Variants in LGALS4 observed in about 807,000 individuals in gnomAD.
LGALS4 encodes the protein galectin-4.
In LGALS4, 37 loss-of-function variants were observed where a neutral mutation model predicts 39.6. The ratio of observed to expected loss-of-function variants is 0.93; its 90% confidence interval spans 0.72 to 1.23. LGALS4 has a LOEUF of 1.23. Among genes scored for constraint, LGALS4 ranks in the 50% most tolerant of loss-of-function variants. LGALS4 has a pLI of 0.00. For missense variants in LGALS4, 397 were observed against 433.2 expected (o/e 0.92, Z 0.74); for synonymous variants, 160 against 165.5 (o/e 0.97, Z 0.25).
intron 7 of LGALS4, 72 bp from the exon 8 acceptor site, chr19:38,802,476 TTTC>T: frequency 1.8e-6 from 2 of 1,097,774 alleles, no homozygotes; most frequent in Non-Finnish European, 2.8e-6. Context: ...AAATTTTCTT[TTTC>T]TTTTCTTTTC....
At chr19:38,806,874 G>A (rs928605975) in intron 3 of LGALS4, among the ~76,000 whole-genome samples, 7 of 152,090 alleles carry the variant, frequency 4.6e-5, no homozygotes, top group Admixed American at 4.6e-4. Context: ...CTGAACCCGG[G>A]AGGTGGAGGT....
At chr19:38,812,396 C>T (rs765086925) in intron 2 of LGALS4, 35 bp downstream of exon 2, 4 of 1,596,720 alleles carry the variant, frequency 2.5e-6, no homozygotes, top group Non-Finnish European at 2.6e-6. Flanking sequence ...TTGGAAGTCC[C>T]CTGCCAGCCC....
At chr19:38,806,713 G>C (rs1346292857) in intron 3 of LGALS4, 118 bp from the exon 4 acceptor site, 2 of 985,004 alleles carry the variant, frequency 2.0e-6, no homozygotes, top group Middle Eastern at 6.5e-4. Flanking sequence ...TTGGGAGGCT[G>C]AGGGGGGTGG....
rs34677297 is a variant in LGALS4 at position 38,809,173 on chromosome 19, C to CT, written c.135-226dup. On this transcript the variant is annotated intron_variant, in intron 2 of 9. Coordinates refer to ENST00000307751, the MANE Select transcript of LGALS4 (RefSeq NM_006149.4). ...ACACCTTCGCTCACAGCCTTTCCTT[C>CT]TTTTTTTTTTTTTTTTTTTTTTTGA... is the stretch of plus-strand genomic sequence containing the variant. Among the ~76,000 whole-genome samples the CT allele has an allele frequency of 0.027, 2,778 of 104,820 alleles. 174 individuals carry two copies. The East Asian group carries it at 0.28, about 11-fold the overall frequency. 68.8% of individuals were successfully genotyped at this position (104,820 alleles called of 152,430 possible). A position where few individuals can be genotyped will look rare whatever the true frequency, so the allele number is the denominator to read the frequency against.
chr19:38,811,285 G>A (rs1971490732), intron 2 of LGALS4, among the ~76,000 whole-genome samples: 1 of 151,954 alleles, frequency 6.6e-6, no homozygotes, highest in South Asian at 2.1e-4. Context: ...TCCATCCCTA[G>A]TGCCAGGACA....
Position 38,802,315 on chromosome 19 carries a change from C to A in LGALS4, c.659+1G>T. On this transcript the variant is annotated splice_donor_variant, in intron 8 of 9. Transcript: ENST00000307751. LOFTEE classifies it high-confidence loss of function. ...GGGTTCCCACCTAGTTTACGTTATA[C>A]CTCTTGCCTGTGGGAGGCACATAGC... is the stretch of plus-strand genomic sequence containing the variant. 4 of 1,613,908 alleles carry A rather than the reference C, an allele frequency of 2.5e-6. No individual in the cohort carries two copies. Among genetic ancestry groups the A allele is most frequent in the East Asian group, 2.2e-5 (1 of 44,878 alleles).
At chr19:38,809,097 G>A (rs982765423) in intron 2 of LGALS4, 149 bp from the exon 3 acceptor site, 7 of 640,064 alleles carry the variant, frequency 1.1e-5, no homozygotes, top group Middle Eastern at 4.3e-4. Context: ...GGCACTGTGG[G>A]CCACAGCGTG....
At chr19:38,810,458 T>G (rs951737570) in intron 2 of LGALS4, among the ~76,000 whole-genome samples, 2 of 148,546 alleles carry the variant, frequency 1.3e-5, no homozygotes, top group African/African-American at 2.5e-5. Flanking sequence ...CGCCTCCTGG[T>G]TTCACGCCAT....
rs759787880 is a variant in LGALS4 at position 38,808,789 on chromosome 19, A to G, written c.294T>C (p.Gly98=). The G allele has an allele frequency of 1.2e-6, 2 of 1,614,120 alleles. No homozygotes were observed. Among genetic ancestry groups the G allele is most frequent in the Middle Eastern group, 1.6e-4 (1 of 6,062 alleles). The change falls in exon 3 of 10, where the codon GGT becomes GGC. Residue 98 remains glycine (G), a synonymous_variant. Coordinates refer to ENST00000307751, the MANE Select transcript of LGALS4 (RefSeq NM_006149.4). ...ERKRSMPFKK[G]AAFELVFIVL... is the part of the protein sequence containing the mutation. Reference sequence around the variant, plus strand: ...CTATGAAGACCAGCTCAAAGGCGGCACCCTTTTTGAAGGGCATGCTCCTCT... The same window carrying G: ...CTATGAAGACCAGCTCAAAGGCGGCGCCCTTTTTGAAGGGCATGCTCCTCT...
Position 38,806,527 on chromosome 19 carries a change from C to T in LGALS4, c.408G>A (p.Leu136=). 1 of 1,614,164 alleles carries T rather than the reference C, an allele frequency of 6.2e-7. No homozygotes were observed. The highest frequency in any genetic ancestry group is 8.5e-7 in the Non-Finnish European group (1 of 1,180,014). The change falls in exon 4 of 10, where the codon CTG becomes CTA. Residue 136 remains leucine, a synonymous_variant. Transcript: ENST00000307751. ...GAAGTTGCAGATCCCCATCCACTTGCAGGTGGGTGACCATCTGTAGGGGAA... is the reference window on the plus strand; with the variant it reads ...GAAGTTGCAGATCCCCATCCACTTGTAGGTGGGTGACCATCTGTAGGGGAA... ...HRLPLQMVTH[L]QVDGDLQLQS... is the part of the protein sequence containing the mutation.
At chr19:38,803,476 T>C (rs763607689) in intron 7 of LGALS4, 46 bp downstream of exon 7, 1 of 1,601,724 alleles carries the variant, frequency 6.2e-7, no homozygotes, top group South Asian at 1.1e-5. Flanking sequence ...TCCCTGGAGA[T>C]CCGTGCCCCC....
chr19:38,807,261 C>G (rs180993451), intron 3 of LGALS4, among the ~76,000 whole-genome samples: 5 of 151,846 alleles, frequency 3.3e-5, no homozygotes. Flanking sequence ...CCAGCTACTC[C>G]GGAGGCTAAT....
At chr19:38,806,746 A>G (rs1167694664) in intron 3 of LGALS4, 151 bp from the exon 4 acceptor site, 3 of 725,460 alleles carry the variant, frequency 4.1e-6, no homozygotes, top group African/African-American at 1.8e-5. Context: ...CAGGAGTGTG[A>G]GACCAGTCTG....
intron 3 of LGALS4, among the ~76,000 whole-genome samples, chr19:38,807,658 T>C (rs896934895): frequency 1.3e-5 from 2 of 151,720 alleles, no homozygotes; most frequent in African/African-American, 4.8e-5. Flanking sequence ...TGGGCCATGA[T>C]GACGATGGCG....
chr19:38,807,490 G>A (rs1971435803), intron 3 of LGALS4, among the ~76,000 whole-genome samples: 1 of 152,108 alleles, frequency 6.6e-6, no homozygotes, highest in South Asian at 2.1e-4. Context: ...GCTAAAAGAG[G>A]ATTTTTAAAA....
intron 7 of LGALS4, chr19:38,803,059 G>C (rs1971379570): frequency 7.7e-6 from 1 of 129,728 alleles, no homozygotes; most frequent in South Asian, 2.5e-4. Flanking sequence ...TCTGTCACCA[G>C]GTTGGAGTAC....
chr19:38,801,904 T>G lies in LGALS4; in HGVS notation c.832A>C (p.Ile278Leu). 1 of 1,614,094 alleles carries G rather than the reference T, an allele frequency of 6.2e-7. No homozygotes were observed. Among genetic ancestry groups the G allele is most frequent in the Non-Finnish European group, 8.5e-7 (1 of 1,180,004 alleles). ...TTGAAGCGATCCAAGCCACAGCGAA[T>G]GGACAGCTGCAGGGAGAAGGGTGGG... ...FGPGQFFDLS[I>L]RCGLDRFKVY... Residue 278 changes from isoleucine to leucine, a missense_variant, in exon 10 of 10, where the codon ATT becomes CTT. Transcript: ENST00000307751.
At chr19:38,808,686 C>A in intron 3 of LGALS4, 58 bp downstream of exon 3, 1 of 1,336,494 alleles carries the variant, frequency 7.5e-7, no homozygotes, top group Admixed American at 2.0e-5. Context: ...AGGAAGGAAG[C>A]AGCCAAGATG....
intron 7 of LGALS4, 80 bp downstream of exon 7, chr19:38,803,442 A>C (rs1265509776): frequency 4.2e-6 from 6 of 1,436,982 alleles, no homozygotes; most frequent in African/African-American, 1.4e-5. Flanking sequence ...CCCTCAGCCC[A>C]CTCCCTTTCT....
Sources: gnomAD v4.1 joint callset for allele counts (sites outside exome capture counted in the v4.1 genomes callset) on GRCh38, gnomAD v4.1.1 for gene constraint, MANE v1.5 for transcripts, NCBI Gene and HGNC (gene_info 2026-07-23, HGNC 2026-07-21) for gene names.